The following TCTN3 variants were observed in gnomAD, a reference collection of about 807,000 sequenced individuals.
TCTN3 encodes the protein tectonic-3.
A neutral mutation model predicts 71.3 loss-of-function variants in TCTN3; 57 were observed. That is an observed-to-expected ratio of 0.80 (90% CI 0.65 to 1.00). TCTN3 has a LOEUF of 1.00. Among genes scored for constraint, TCTN3 ranks in the 50% least tolerant of loss-of-function variants. TCTN3 has a pLI of 0.00. For missense variants in TCTN3, 696 were observed against 719.9 expected (o/e 0.97, Z 0.38); for synonymous variants, 258 against 267.8 (o/e 0.96, Z 0.36).
At chr10:95,692,795 A>G (rs1202046139) in intron 3 of TCTN3, 125 bp downstream of exon 3, 3 of 670,682 alleles carry the variant, frequency 4.5e-6, no homozygotes, top group Non-Finnish European at 7.8e-6. Context: ...TTTTTAACTC[A>G]TCAGCTATCG....
intron 3 of TCTN3, among the ~76,000 whole-genome samples, chr10:95,692,605 AG>A (rs1251983540): frequency 6.6e-6 from 1 of 152,110 alleles, no homozygotes; most frequent in Non-Finnish European, 1.5e-5. Context: ...TTTAAAAAAA[AG>A]AAATGGAAAA....
rs372048897 is a variant in TCTN3 at position 95,678,044 on chromosome 10, T to C, written c.1590+2428A>G. Among the ~76,000 whole-genome samples the C allele has an allele frequency of 4.2e-3, 640 of 152,352 alleles. 2 individuals carry two copies. Among genetic ancestry groups the C allele is most frequent in the Middle Eastern group, 0.02 (6 of 294 alleles). On this transcript the variant is annotated intron_variant, in intron 13 of 13. Transcript: ENST00000371217. Reference sequence around the variant, plus strand: ...TTAGTTTTATCCTATCACTTAGATATTCTAAGCTGACCAACACAGCCTAGG... The same window carrying C: ...TTAGTTTTATCCTATCACTTAGATACTCTAAGCTGACCAACACAGCCTAGG...
chr10:95,671,263 C>G (rs1347369387), intron 13 of TCTN3, among the ~76,000 whole-genome samples: 32 of 152,156 alleles, frequency 2.1e-4, no homozygotes, highest in Admixed American at 2.1e-3. Flanking sequence ...GTATGGTTGA[C>G]TTAATTTATT....
At chr10:95,690,712 G>A (rs556963977) in intron 3 of TCTN3, among the ~76,000 whole-genome samples, 1 of 152,184 alleles carries the variant, frequency 6.6e-6, no homozygotes, top group Non-Finnish European at 1.5e-5. Flanking sequence ...GAAGCTGGAT[G>A]TTATTTTATG....
chr10:95,690,402 T>C (rs2097952450), intron 3 of TCTN3, among the ~76,000 whole-genome samples: 1 of 152,166 alleles, frequency 6.6e-6, no homozygotes, highest in Admixed American at 6.5e-5. Flanking sequence ...TAATAAATCC[T>C]ATAGGTTCTA....
At chr10:95,685,720 G>C in intron 7 of TCTN3, 84 bp from the exon 8 acceptor site, 1 of 1,107,084 alleles carries the variant, frequency 9.0e-7, no homozygotes, top group Non-Finnish European at 1.3e-6. Context: ...GCTAAGATGA[G>C]TATTTTTCCT....
intron 13 of TCTN3, among the ~76,000 whole-genome samples, chr10:95,670,162 A>G (rs2097929594): frequency 6.6e-6 from 1 of 151,224 alleles, no homozygotes; most frequent in South Asian, 2.1e-4. Flanking sequence ...GTTGTGCTTA[A>G]TTAATTCATG....
intron 2 of TCTN3, 148 bp from the exon 3 acceptor site, chr10:95,693,186 C>T (rs1447337614): frequency 4.7e-6 from 6 of 1,274,264 alleles, no homozygotes; most frequent in African/African-American, 1.5e-5. Context: ...TACTGGCCAG[C>T]CCTGCTCTAG....
chr10:95,686,383 G>C (rs1207320989), intron 7 of TCTN3, 112 bp downstream of exon 7: 1 of 1,124,892 alleles, frequency 8.9e-7, no homozygotes, highest in Non-Finnish European at 1.3e-6. Flanking sequence ...TTAATTGTTT[G>C]CTACATCACG....
intron 13 of TCTN3, among the ~76,000 whole-genome samples, chr10:95,672,096 T>C (rs2097932083): frequency 6.8e-6 from 1 of 146,256 alleles, no homozygotes; most frequent in South Asian, 2.1e-4. Context: ...TCCAGTCTAT[T>C]CTCTGTCCCT....
At chr10:95,692,248 C>A (rs1224978319) in intron 3 of TCTN3, among the ~76,000 whole-genome samples, 3 of 152,088 alleles carry the variant, frequency 2.0e-5, no homozygotes, top group Non-Finnish European at 4.4e-5. Flanking sequence ...GTGGCTCACA[C>A]CTGTAATCCC....
intron 13 of TCTN3, among the ~76,000 whole-genome samples, chr10:95,665,504 C>T (rs1396811555): frequency 2.6e-5 from 4 of 152,160 alleles, no homozygotes; most frequent in Admixed American, 6.5e-5. Flanking sequence ...TGGTCTCGAA[C>T]TCCTGACCTC....
chr10:95,688,322 A>G (rs993852806), intron 3 of TCTN3, among the ~76,000 whole-genome samples: 54 of 146,160 alleles, frequency 3.7e-4, no homozygotes, highest in African/African-American at 1.3e-3. Flanking sequence ...CCTGGGAGGC[A>G]GAGGTTGCAG....
At position 95,683,621 on chromosome 10, in the gene TCTN3, T is replaced by C. The variant is rs2097945422; in HGVS notation, c.1104A>G (p.Gln368=). The part of the protein sequence containing the change: ...QHFILRFRAF[Q]QSTAASLTSP... ...TGGTGAGAGAAGCAGCTGTGCTCTG[T>C]TGAAAAGCCTGCAGAAAGAGGGAAG... Residue 368 remains glutamine, a synonymous_variant, in exon 10 of 14, where the codon CAA becomes CAG. Transcript: ENST00000371217. 1.0e-5 allele frequency: 16 copies of C among 1,605,212 alleles called. No individual in the cohort carries two copies. The highest frequency in any genetic ancestry group is 1.3e-5 in the Non-Finnish European group (15 of 1,175,506).
At position 95,683,103 on chromosome 10, in the gene TCTN3, G is replaced by A. The variant is rs368389310; in HGVS notation, c.1296C>T (p.Leu432=). ...ATGATGCGGAAGCAAAGAACTACCTGAGCTTGCATCCAGATATTGCATTCA... is the reference window on the plus strand; with the variant it reads ...ATGATGCGGAAGCAAAGAACTACCTAAGCTTGCATCCAGATATTGCATTCA... The part of the protein sequence containing the change: ...FGVNAISGCK[L]RLKKADCSHL... Residue 432 remains leucine, a splice_region_variant and synonymous_variant, in exon 11 of 14, where the codon CTC becomes CTT. Transcript: ENST00000371217. The A allele has an allele frequency of 6.2e-7, 1 of 1,612,908 alleles. No homozygotes were observed. The highest frequency in any genetic ancestry group is 2.2e-5 in the East Asian group (1 of 44,860).
chr10:95,687,440 T>A, intron 4 of TCTN3, 85 bp from the exon 5 acceptor site: 1 of 1,509,268 alleles, frequency 6.6e-7, no homozygotes, highest in African/African-American at 1.4e-5. Context: ...CAAGGTTAAC[T>A]CAAGGGCATG....
intron 13 of TCTN3, among the ~76,000 whole-genome samples, chr10:95,667,830 G>C (rs1011111174): frequency 2.3e-4 from 35 of 152,166 alleles, no homozygotes; most frequent in Non-Finnish European, 1.2e-4. Context: ...CCACAGTGAA[G>C]GCCACAAGTC....
At chr10:95,690,219 T>C (rs563762105) in intron 3 of TCTN3, among the ~76,000 whole-genome samples, 32 of 152,214 alleles carry the variant, frequency 2.1e-4, no homozygotes, top group African/African-American at 7.5e-4. Context: ...CCTGGGCTCA[T>C]GCAATCCTCC....
chr10:95,678,232 G>T (rs971741238), intron 13 of TCTN3, among the ~76,000 whole-genome samples: 2 of 152,040 alleles, frequency 1.3e-5, no homozygotes, highest in Non-Finnish European at 2.9e-5. Context: ...GCTATTCTGA[G>T]AAAAAAATTT....
Sources: allele counts gnomAD v4.1 joint callset (sites outside exome capture counted in the v4.1 genomes callset), GRCh38; gene constraint gnomAD v4.1.1; transcripts MANE v1.5; gene names NCBI Gene and HGNC (gene_info 2026-07-23, HGNC 2026-07-21).